The following PRKAR1B variants were observed in gnomAD, a reference collection of about 807,000 sequenced individuals.
The protein encoded by PRKAR1B is protein kinase cAMP-dependent type I regulatory subunit beta.
A neutral mutation model predicts 46.5 loss-of-function variants in PRKAR1B; 22 were observed. The ratio of observed to expected loss-of-function variants is 0.47; its 90% CI spans 0.34 to 0.68. PRKAR1B has a LOEUF of 0.68. Among genes scored for constraint, PRKAR1B ranks in the 30% least tolerant of loss-of-function variants. The probability of loss-of-function intolerance (pLI) is 0.01; values close to 1 mark genes in which losing one functional copy is unlikely to be tolerated. For missense variants in PRKAR1B, 445 were observed against 535.6 expected (o/e 0.83, Z 1.67); for synonymous variants, 259 against 217.7 (o/e 1.19, Z -1.67).
intron 4 of PRKAR1B, among the ~76,000 whole-genome samples, chr7:650,922 G>A (rs575071034): frequency 5.3e-4 from 80 of 152,196 alleles, no homozygotes; most frequent in African/African-American, 1.9e-3. Context: ...CTGGCTCACC[G>A]GCCACCGAGA....
chr7:673,076 A>AAAAAAAAAC (rs1409072522), intron 4 of PRKAR1B, among the ~76,000 whole-genome samples: 1 of 145,104 alleles, frequency 6.9e-6, no homozygotes, highest in Non-Finnish European at 1.5e-5. Flanking sequence ...AAAAAAAAAA[A>AAAAAAAAAC]AACACACACA....
At position 700,668 on chromosome 7, in the gene PRKAR1B, A is replaced by T. The variant is rs79787649; in HGVS notation, c.177+10661T>A. Among the ~76,000 whole-genome samples the T allele has an allele frequency of 8.5e-3, 1,260 of 148,620 alleles. 11 individuals carry two copies. The highest frequency in any genetic ancestry group is 0.011 in the Non-Finnish European group (762 of 67,010). On this transcript the variant is annotated intron_variant, in intron 2 of 10. Coordinates refer to ENST00000537384, the MANE Select transcript of PRKAR1B (RefSeq NM_001164760.2). ...ATCAGCAAAGAAATCAAATTTATTT[A>T]AAAAAAAAAGGAAGAAGAAAGGAGG...
At chr7:635,931 A>ACCGCGCCCACACATCCTCCACCAG in intron 4 of PRKAR1B, among the ~76,000 whole-genome samples, 1 of 150,770 alleles carries the variant, frequency 6.6e-6, no homozygotes, top group East Asian at 2.0e-4. Context: ...AAGTACCAGC[A>ACCGCGCCCACACATCCTCCACCAG]CCGCGCCCAC....
chr7:645,641 C>T (rs1412942564), intron 4 of PRKAR1B, among the ~76,000 whole-genome samples: 1 of 152,122 alleles, frequency 6.6e-6, no homozygotes, highest in Non-Finnish European at 1.5e-5. Flanking sequence ...TGAAGCTGTT[C>T]AGGGAATAAA....
intron 9 of PRKAR1B, among the ~76,000 whole-genome samples, chr7:564,757 G>A (rs147087619): frequency 8.1e-4 from 124 of 152,304 alleles, no homozygotes; most frequent in African/African-American, 2.9e-3. Context: ...GGACCAACAG[G>A]CCCAGGGCCC....
At chr7:683,667 G>A (rs1020051700) in intron 2 of PRKAR1B, among the ~76,000 whole-genome samples, 2 of 152,214 alleles carry the variant, frequency 1.3e-5, no homozygotes, top group African/African-American at 2.4e-5. Flanking sequence ...GGGCCTGGCC[G>A]GCACCCACAT....
intron 1 of PRKAR1B, among the ~76,000 whole-genome samples, chr7:723,730 T>C (rs1028636340): frequency 6.6e-6 from 1 of 152,302 alleles, no homozygotes; most frequent in East Asian, 1.9e-4. Flanking sequence ...ATCCTCAGTC[T>C]GCCATGTTTT....
In PRKAR1B at chr7:586,946, C is replaced by T. The variant is rs889331080; in HGVS notation, c.709-2378G>A. On this transcript the variant is annotated intron_variant, in intron 7 of 10. Coordinates refer to ENST00000537384, the MANE Select transcript of PRKAR1B (RefSeq NM_001164760.2). ...TTGCCCAGGCTGGAGTGTAGTGGTG[C>T]GATCTCGGCTCACTGCAAGCTCCAA... 1.6e-4 allele frequency among the ~76,000 whole-genome samples: 24 copies of T among 146,914 alleles called. No homozygotes were observed. The South Asian group carries it at 4.4e-3, about 27-fold the overall frequency.
intron 9 of PRKAR1B, 164 bp downstream of exon 9, chr7:579,092 G>A (rs966555828): frequency 5.9e-5 from 58 of 985,362 alleles, no homozygotes; most frequent in Middle Eastern, 5.2e-4. Context: ...GCAGGAATGT[G>A]AGGCCACAGA....
chr7:630,950 ATTTTTTT>A (rs71652939), intron 4 of PRKAR1B, among the ~76,000 whole-genome samples: 1 of 137,326 alleles, frequency 7.3e-6, no homozygotes, highest in Non-Finnish European at 1.6e-5. Context: ...GCTGATTCGG[ATTTTTTT>A]TTTTTTTTTT....
intron 9 of PRKAR1B, among the ~76,000 whole-genome samples, chr7:556,931 C>A (rs1026657305): frequency 4.6e-5 from 7 of 152,284 alleles, no homozygotes; most frequent in Non-Finnish European, 7.4e-5. Flanking sequence ...AGTCCCCGTG[C>A]AAAGCTACCA....
chr7:704,088 T>C (rs929455303), intron 2 of PRKAR1B, among the ~76,000 whole-genome samples: 1 of 152,152 alleles, frequency 6.6e-6, no homozygotes, highest in African/African-American at 2.4e-5. Flanking sequence ...GAAAAATCTG[T>C]AGCATTATAT....
Position 625,957 on chromosome 7 carries a change from G to A in PRKAR1B, c.441-18505C>T, listed in dbSNP as rs547647995. ...CAGGAGGCAGAGGTTGCAGTGAGCCGAGATCGCGCCATTGCACTCCAGCCT... is the reference window on the plus strand; with the variant it reads ...CAGGAGGCAGAGGTTGCAGTGAGCCAAGATCGCGCCATTGCACTCCAGCCT... On this transcript the variant is annotated intron_variant, in intron 4 of 10. Transcript: ENST00000537384. 3.4e-5 allele frequency among the ~76,000 whole-genome samples: 5 copies of A among 146,200 alleles called. No individual in the cohort carries two copies. The South Asian group carries it at 6.6e-4, about 19-fold the overall frequency.
At position 726,827 on chromosome 7, in the gene PRKAR1B, C is replaced by T. The variant is rs1781314724; in HGVS notation, c.-23+383G>A. 3.8e-6 allele frequency: 5 copies of T among 1,326,840 alleles called. No homozygotes were observed. In the South Asian group the frequency reaches 8.1e-5, roughly 21 times the overall value. The allele number at this position is 1,326,840 out of a possible 1,614,324, so 82.2% of individuals were successfully genotyped here. ...AGCCGCGCCCTGAGCCGCCTGCTGC[C>T]GGGGCTGGAGGCCGACAGCAAGCCG... On this transcript the variant is annotated intron_variant, in intron 1 of 10. Coordinates refer to ENST00000537384, the MANE Select transcript of PRKAR1B (RefSeq NM_001164760.2).
chr7:605,219 G>A (rs1250407099), intron 6 of PRKAR1B, among the ~76,000 whole-genome samples: 1 of 152,252 alleles, frequency 6.6e-6, no homozygotes, highest in Non-Finnish European at 1.5e-5. Flanking sequence ...GAGGGAGGAT[G>A]ATGTCACTGA....
At chr7:681,066 G>A (rs190945187) in intron 2 of PRKAR1B, among the ~76,000 whole-genome samples, 67 of 152,190 alleles carry the variant, frequency 4.4e-4, no homozygotes, top group African/African-American at 1.5e-3. Flanking sequence ...TGCTGTTCTC[G>A]TGATAGTGAG....
At position 727,206 on chromosome 7, in the gene PRKAR1B, C is replaced by G. The variant is rs1426174455; in HGVS notation, c.-23+4G>C. 7.4e-6 allele frequency: 10 copies of G among 1,349,198 alleles called. No individual in the cohort carries two copies. Among genetic ancestry groups the G allele is most frequent in the South Asian group, 6.8e-5 (4 of 59,242 alleles). The allele number at this position is 1,349,198 out of a possible 1,614,324, so 83.6% of individuals were successfully genotyped here. On this transcript the variant is annotated splice_donor_region_variant and intron_variant, in intron 1 of 10. Transcript: ENST00000537384. ...ACCTGTGCGGCGCCGCGCTCGCGCC[C>G]CACCTGGACGACGCTCTGCGCGCGC... is the stretch of plus-strand genomic sequence containing the variant.
chr7:562,385 C>A (rs770784675), intron 9 of PRKAR1B, among the ~76,000 whole-genome samples: 1 of 152,324 alleles, frequency 6.6e-6, no homozygotes, highest in African/African-American at 2.4e-5. Context: ...TCCAGCTCCA[C>A]AGGCCCAGCC....
At chr7:617,371 C>G (rs1757894488) in intron 4 of PRKAR1B, among the ~76,000 whole-genome samples, 1 of 150,280 alleles carries the variant, frequency 6.7e-6, no homozygotes, top group Admixed American at 6.7e-5. Flanking sequence ...GTGGTAGCAT[C>G]ACAGCTCACT....
Sources: gnomAD v4.1 joint callset for allele counts (sites outside exome capture counted in the v4.1 genomes callset) on GRCh38, gnomAD v4.1.1 for gene constraint, MANE v1.5 for transcripts, NCBI Gene and HGNC (gene_info 2026-07-23, HGNC 2026-07-21) for gene names.